HSD3B2: variants seen among roughly 807,000 people sequenced by gnomAD.
The protein encoded by HSD3B2 is 3 beta-hydroxysteroid dehydrogenase/Delta 5-->4-isomerase type 2.
In HSD3B2, 8 loss-of-function variants were observed where a neutral mutation model predicts 9.9. That is an observed-to-expected ratio of 0.81 (90% CI 0.47 to 1.46). The LOEUF is 1.46. Among genes scored for constraint, HSD3B2 ranks in the 40% most tolerant of loss-of-function variants. The pLI is 0.00. For synonymous variants in HSD3B2, 221 were observed against 184.5 expected (o/e 1.20, Z -1.60); for missense variants, 410 against 448.3 (o/e 0.91, Z 0.77).
At chr1:119,419,832 C>A in intron 3 of HSD3B2, 1 of 492,138 alleles carries the variant, frequency 2.0e-6, no homozygotes, top group South Asian at 2.1e-5. Flanking sequence ...GAGAGTTAGA[C>A]TTTAAACTCA....
At chr1:119,420,122 C>T (rs1050650219) in intron 3 of HSD3B2, among the ~76,000 whole-genome samples, 1 of 152,146 alleles carries the variant, frequency 6.6e-6, no homozygotes. Context: ...CAGCACATGC[C>T]TTCCCATAAT....
At chr1:119,418,215 C>T (rs970737968) in intron 2 of HSD3B2, among the ~76,000 whole-genome samples, 1 of 152,170 alleles carries the variant, frequency 6.6e-6, no homozygotes, top group Non-Finnish European at 1.5e-5. Context: ...GTGGCTAACT[C>T]ATTTTCAGCA....
chr1:119,415,586 T>C, intron 2 of HSD3B2, 25 bp downstream of exon 2: 1 of 1,612,530 alleles, frequency 6.2e-7, no homozygotes, highest in Non-Finnish European at 8.5e-7. Flanking sequence ...GTCATGGGTC[T>C]GTGGCTCCAT....
At chr1:119,418,386 A>G (rs929205247) in intron 2 of HSD3B2, among the ~76,000 whole-genome samples, 3 of 152,128 alleles carry the variant, frequency 2.0e-5, no homozygotes, top group Non-Finnish European at 4.4e-5. Context: ...TCCCAGCTCC[A>G]GTAGGTACCA....
At position 119,422,208 on chromosome 1, in the gene HSD3B2, T is replaced by C. The variant is rs35887327; in HGVS notation, c.707T>C (p.Leu236Ser). The change falls in exon 4 of 4, where the codon TTG becomes TCG. Residue 236 changes from leucine (L) to serine (S), a missense_variant. Coordinates refer to ENST00000369416, the MANE Select transcript of HSD3B2 (RefSeq NM_000198.4). Reference sequence around the variant, plus strand: ...GTGGCCTGGGCCCACATTCTGGCCTTGAGGGCTCTGCGGGACCCCAAGAAG... The same window carrying C: ...GTGGCCTGGGCCCACATTCTGGCCTCGAGGGCTCTGCGGGACCCCAAGAAG... ...GNVAWAHILALRALRDPKKAP... is the reference protein window; with the variant it reads ...GNVAWAHILASRALRDPKKAP... 2.4e-3 allele frequency: 3,844 copies of C among 1,614,096 alleles called. 72 individuals are homozygous for C. The African/African-American group carries it at 0.042, about 17-fold the overall frequency.
At chr1:119,421,404 TATATATATATATGTATATATATG>T (rs1651854609) in intron 3 of HSD3B2, among the ~76,000 whole-genome samples, 1 of 55,602 alleles carries the variant, frequency 1.8e-5, no homozygotes, top group Non-Finnish European at 3.0e-5. Context: ...TATATATATG[TATATATATATATGTATATATATG>T]TATATATATA....
In HSD3B2 at chr1:119,422,333, C is replaced by T. The variant is rs587711475; in HGVS notation, c.832C>T (p.Arg278Cys). 2.9e-5 allele frequency: 47 copies of T among 1,614,136 alleles called. No homozygotes were observed. Among genetic ancestry groups the T allele is most frequent in the Middle Eastern group, 1.7e-4 (1 of 6,060 alleles). Residue 278 changes from arginine (R) to cysteine (C), a missense_variant, in exon 4 of 4, where the codon CGC becomes TGC. Transcript: ENST00000369416. ...NYILSKEFGL[R>C]LDSRWSLPLT... Reference sequence around the variant, plus strand: ...CATCCTGAGCAAAGAGTTTGGCCTCCGCCTTGATTCCAGATGGAGCCTTCC... The same window carrying T: ...CATCCTGAGCAAAGAGTTTGGCCTCTGCCTTGATTCCAGATGGAGCCTTCC...
chr1:119,415,630 T>C, intron 2 of HSD3B2, 69 bp downstream of exon 2: 1 of 1,540,680 alleles, frequency 6.5e-7, no homozygotes, highest in Non-Finnish European at 9.0e-7. Context: ...GAGGTTGACC[T>C]TGTCTAGCAA....
chr1:119,422,890 G>T lies in HSD3B2; in HGVS notation c.*270G>T. The T allele has an allele frequency of 1.8e-6, 1 of 554,464 alleles. No individual in the cohort carries two copies. Among genetic ancestry groups the T allele is most frequent in the Admixed American group, 3.1e-5 (1 of 32,232 alleles). The allele number at this position is 554,464 out of a possible 1,614,324, so 34.3% of individuals were successfully genotyped here. A position where few individuals can be genotyped will look rare whatever the true frequency, so the allele number is the denominator to read the frequency against. ...CAGTGGCTGATTCTGAACAATTGTGGTCTCTCTTAACTTGAGGTTCTCTTT... is the reference window on the plus strand; with the variant it reads ...CAGTGGCTGATTCTGAACAATTGTGTTCTCTCTTAACTTGAGGTTCTCTTT... On this transcript the variant is annotated 3_prime_UTR_variant, in exon 4 of 4. Coordinates refer to ENST00000369416, the MANE Select transcript of HSD3B2 (RefSeq NM_000198.4).
intron 3 of HSD3B2, among the ~76,000 whole-genome samples, chr1:119,421,415 ATG>A (rs1553209654): frequency 1.5e-4 from 4 of 27,500 alleles, no homozygotes; most frequent in East Asian, 1.0e-3. Flanking sequence ...ATATATATAT[ATG>A]TATATATATG....
At chr1:119,420,606 C>T (rs764710874) in intron 3 of HSD3B2, among the ~76,000 whole-genome samples, 4 of 152,196 alleles carry the variant, frequency 2.6e-5, no homozygotes, top group African/African-American at 7.2e-5. Context: ...ACCATTATCA[C>T]TCCCGGGCTT....
intron 2 of HSD3B2, among the ~76,000 whole-genome samples, chr1:119,416,269 T>C (rs1267369767): frequency 1.3e-5 from 2 of 152,148 alleles, no homozygotes; most frequent in African/African-American, 2.4e-5. Context: ...TAAAAGGCAG[T>C]ATGAGGCCAA....
At chr1:119,418,630 CTATTATTATTATTATTAT>C (rs5777392) in intron 2 of HSD3B2, among the ~76,000 whole-genome samples, 1 of 123,894 alleles carries the variant, frequency 8.1e-6, no homozygotes, top group Non-Finnish European at 1.6e-5. Flanking sequence ...ATTATTATTA[CTATTATTATTATTATTAT>C]TATTATTATT....
Position 119,415,530 on chromosome 1 carries a change from C to T in HSD3B2, c.111C>T (p.Ala37=), listed in dbSNP as rs1651679921. 1 of 1,613,780 alleles carries T rather than the reference C, an allele frequency of 6.2e-7. No individual in the cohort carries two copies. The highest frequency in any genetic ancestry group is 8.5e-7 in the Non-Finnish European group (1 of 1,179,880). The part of the protein sequence containing the change: ...ELKEIRALDK[A]FRPELREEFS... Reference sequence around the variant, plus strand: ...AGGAGATCAGGGCCTTGGACAAGGCCTTCAGACCAGAATTGAGAGAGGAAT... The same window carrying T: ...AGGAGATCAGGGCCTTGGACAAGGCTTTCAGACCAGAATTGAGAGAGGAAT... The change falls in exon 2 of 4, where the codon GCC becomes GCT. Residue 37 remains alanine (A), a synonymous_variant. Coordinates refer to ENST00000369416, the MANE Select transcript of HSD3B2 (RefSeq NM_000198.4).
At chr1:119,418,633 T>G (rs200679475) in intron 2 of HSD3B2, among the ~76,000 whole-genome samples, 2 of 29,654 alleles carry the variant, frequency 6.7e-5, no homozygotes, top group Non-Finnish European at 2.2e-4. Flanking sequence ...ATTATTACTA[T>G]TATTATTATT....
Position 119,422,035 on chromosome 1 carries a change from C to T in HSD3B2, c.534C>T (p.Thr178=), listed in dbSNP as rs751443478. The change falls in exon 4 of 4, where the codon ACC becomes ACT. Residue 178 remains threonine, a synonymous_variant. Transcript: ENST00000369416. The part of the protein sequence containing the change: ...ANGWNLKNGD[T]LYTCALRPTY... Reference sequence around the variant, plus strand: ...GGTGGAATCTAAAAAATGGTGATACCTTGTACACTTGTGCGTTAAGACCCA... The same window carrying T: ...GGTGGAATCTAAAAAATGGTGATACTTTGTACACTTGTGCGTTAAGACCCA... 3.7e-6 allele frequency: 6 copies of T among 1,613,946 alleles called. No individual in the cohort carries two copies. The highest frequency in any genetic ancestry group is 2.2e-5 in the East Asian group (1 of 44,858).
chr1:119,422,818 A>T lies in HSD3B2; in HGVS notation c.*198A>T. The T allele has an allele frequency of 1.5e-6, 1 of 654,720 alleles. No individual in the cohort carries two copies. 40.6% of individuals were successfully genotyped at this position (654,720 alleles called of 1,614,324 possible). ...TGGCCCAACCAGAACTTTCTGTCCTAATCATACACCAGAAGACAAACAATA... is the reference window on the plus strand; with the variant it reads ...TGGCCCAACCAGAACTTTCTGTCCTTATCATACACCAGAAGACAAACAATA... On this transcript the variant is annotated 3_prime_UTR_variant, in exon 4 of 4. Coordinates refer to ENST00000369416, the MANE Select transcript of HSD3B2 (RefSeq NM_000198.4).
intron 2 of HSD3B2, among the ~76,000 whole-genome samples, chr1:119,418,427 C>T (rs943046782): frequency 6.6e-6 from 1 of 152,064 alleles, no homozygotes; most frequent in Admixed American, 6.5e-5. Flanking sequence ...GAAATTCAAA[C>T]CTGGAGTGCA....
At chr1:119,416,910 CTGCTATGG>C (rs1233041464) in intron 2 of HSD3B2, among the ~76,000 whole-genome samples, 6 of 152,214 alleles carry the variant, frequency 3.9e-5, no homozygotes, top group Non-Finnish European at 7.3e-5. Flanking sequence ...AGGAAGAGTT[CTGCTATGG>C]TGAAAATGCA....
Sources: allele counts gnomAD v4.1 joint callset (sites outside exome capture counted in the v4.1 genomes callset), GRCh38; gene constraint gnomAD v4.1.1; transcripts MANE v1.5; gene names NCBI Gene and HGNC (gene_info 2026-07-23, HGNC 2026-07-21).